The following DTD1 variants were observed in gnomAD, a reference collection of about 807,000 sequenced individuals.
DTD1 encodes D-tyrosyl-tRNA deacylase 1 homolog.
DTD1 carries 13 observed loss-of-function variants against 25.6 expected under a neutral mutation model. The ratio of observed to expected loss-of-function variants is 0.51; its 90% confidence interval spans 0.33 to 0.81. The LOEUF (loss-of-function observed/expected upper bound fraction) is 0.81, where lower values mean the gene tolerates loss of function less well. Ranked by LOEUF, DTD1 falls within the 30% of genes least tolerant of loss-of-function variation. DTD1 has a pLI of 0.02. For synonymous variants in DTD1, 110 were observed against 103.6 expected (o/e 1.06, Z -0.37); for missense variants, 193 against 266.4 (o/e 0.72, Z 1.92).
intron 5 of DTD1, among the ~76,000 whole-genome samples, chr20:18,759,594 C>T (rs1043626423): frequency 8.0e-4 from 122 of 152,292 alleles, no homozygotes; most frequent in African/African-American, 2.2e-3. Context: ...GAGTTTCTGC[C>T]GAGAGATCCG....
chr20:18,753,107 G>T (rs2061326791), intron 5 of DTD1, among the ~76,000 whole-genome samples: 1 of 152,190 alleles, frequency 6.6e-6, no homozygotes, highest in Non-Finnish European at 1.5e-5. Flanking sequence ...GCTACTAACT[G>T]CATGTGGCTA....
intron 1 of DTD1, among the ~76,000 whole-genome samples, 179 bp downstream of exon 1, chr20:18,588,294 G>T (rs1228570104): frequency 6.6e-6 from 1 of 151,996 alleles, no homozygotes; most frequent in Non-Finnish European, 1.5e-5. Flanking sequence ...TCGGGGCAGC[G>T]CGGCGGCCGG....
intron 4 of DTD1, among the ~76,000 whole-genome samples, chr20:18,672,442 T>A (rs1036060822): frequency 6.6e-6 from 1 of 152,194 alleles, no homozygotes; most frequent in Non-Finnish European, 1.5e-5. Context: ...GAATAGCTTT[T>A]TTCAGTTTTT....
intron 4 of DTD1, among the ~76,000 whole-genome samples, chr20:18,637,431 G>A (rs946379607): frequency 1.3e-5 from 2 of 152,202 alleles, no homozygotes; most frequent in African/African-American, 4.8e-5. Flanking sequence ...GTGACATTGA[G>A]GCATATGCTG....
intron 4 of DTD1, among the ~76,000 whole-genome samples, chr20:18,687,911 T>TTTG (rs2061023793): frequency 6.6e-6 from 1 of 152,206 alleles, no homozygotes; most frequent in East Asian, 1.9e-4. Flanking sequence ...AGAAAATGTG[T>TTTG]TTGCAGAAGG....
At chr20:18,612,589 G>A (rs1296259338) in intron 3 of DTD1, among the ~76,000 whole-genome samples, 1 of 152,138 alleles carries the variant, frequency 6.6e-6, no homozygotes, top group Non-Finnish European at 1.5e-5. Context: ...TCTAGAACCT[G>A]AGCTTCACTG....
intron 4 of DTD1, among the ~76,000 whole-genome samples, chr20:18,657,674 A>G (rs1389610516): frequency 6.6e-6 from 1 of 152,244 alleles, no homozygotes; most frequent in African/African-American, 2.4e-5. Flanking sequence ...TTAGTCATCT[A>G]TCACTGTGTA....
intron 3 of DTD1, among the ~76,000 whole-genome samples, chr20:18,619,579 C>G (rs553310912): frequency 6.6e-6 from 1 of 152,170 alleles, no homozygotes; most frequent in African/African-American, 2.4e-5. Context: ...TGCACACCGC[C>G]ACGCCTGGCT....
At chr20:18,613,032 C>T (rs1276527580) in intron 3 of DTD1, among the ~76,000 whole-genome samples, 1 of 152,138 alleles carries the variant, frequency 6.6e-6, no homozygotes, top group African/African-American at 2.4e-5. Context: ...TCAAGGAAAT[C>T]AGCGGAGGGG....
chr20:18,688,892 G>A (rs2061029480), intron 4 of DTD1, among the ~76,000 whole-genome samples: 1 of 152,174 alleles, frequency 6.6e-6, no homozygotes, highest in South Asian at 2.1e-4. Context: ...CCTGTGGGGG[G>A]TGGGGAGGTA....
At chr20:18,743,085 G>C (rs2061284918) in intron 4 of DTD1, among the ~76,000 whole-genome samples, 1 of 152,232 alleles carries the variant, frequency 6.6e-6, no homozygotes, top group South Asian at 2.1e-4. Flanking sequence ...CTGGGCTGCT[G>C]CTCAGTGTTA....
chr20:18,741,194 A>C (rs975683255), intron 4 of DTD1, among the ~76,000 whole-genome samples: 1 of 152,214 alleles, frequency 6.6e-6, no homozygotes, highest in Non-Finnish European at 1.5e-5. Flanking sequence ...ATGAGTATTT[A>C]TATATGTGTG....
rs2060657766 is a variant in DTD1, at chr20:18,606,348, A to G, written c.370+10107A>G. Among the ~76,000 whole-genome samples, 2 of 129,972 alleles carry G rather than the reference A, an allele frequency of 1.5e-5. 1 individual carries two copies. The highest frequency in any genetic ancestry group is 4.9e-4 in the South Asian group (2 of 4,048). The allele number at this position is 129,972 out of a possible 152,430, so 85.3% of individuals were successfully genotyped here. On this transcript the variant is annotated intron_variant, in intron 3 of 5. Transcript: ENST00000377452. ...GTTGGTGGGAGTGTAAACTAGTTCA[A>G]CCGTTGTGGAAGTCAGTGTGGCGAT... is the stretch of plus-strand genomic sequence containing the variant.
chr20:18,617,426 G>A (rs1435342098), intron 3 of DTD1, among the ~76,000 whole-genome samples: 1 of 151,136 alleles, frequency 6.6e-6, no homozygotes, highest in Admixed American at 6.6e-5. Flanking sequence ...ATATATATGA[G>A]GGTTTACTTC....
At chr20:18,729,073 G>A (rs1335737104) in intron 4 of DTD1, among the ~76,000 whole-genome samples, 6 of 152,144 alleles carry the variant, frequency 3.9e-5, no homozygotes, top group Non-Finnish European at 7.4e-5. Context: ...GTGCAGTCAC[G>A]GCTCACTGCA....
chr20:18,684,910 TTTTTTTTTTTTA>T (rs1356003131), intron 4 of DTD1, among the ~76,000 whole-genome samples: 2 of 146,044 alleles, frequency 1.4e-5, no homozygotes, highest in Non-Finnish European at 1.5e-5. Flanking sequence ...TTTTTTTGCT[TTTTTTTTTTTTA>T]ATTAGAGATA....
chr20:18,743,853 A>G (rs2061289123), intron 4 of DTD1, among the ~76,000 whole-genome samples: 1 of 152,128 alleles, frequency 6.6e-6, no homozygotes, highest in Non-Finnish European at 1.5e-5. Flanking sequence ...CTGTGTGCCA[A>G]GTTGAATTAT....
chr20:18,653,316 C>T (rs961134172), intron 4 of DTD1, among the ~76,000 whole-genome samples: 1 of 152,068 alleles, frequency 6.6e-6, no homozygotes, highest in African/African-American at 2.4e-5. Context: ...ATCATCTGAG[C>T]GTGGGAGGTT....
chr20:18,639,377 G>T (rs925267857), intron 4 of DTD1, among the ~76,000 whole-genome samples: 2 of 152,078 alleles, frequency 1.3e-5, no homozygotes, highest in Non-Finnish European at 1.5e-5. Context: ...AATATTTTCA[G>T]GGAAATTTCT....
Sources: allele counts gnomAD v4.1 joint callset (sites outside exome capture counted in the v4.1 genomes callset), GRCh38; gene constraint gnomAD v4.1.1; transcripts MANE v1.5; gene names NCBI Gene and HGNC (gene_info 2026-07-23, HGNC 2026-07-21).